DTNA: variants seen among roughly 807,000 people sequenced by gnomAD.
DTNA encodes dystrobrevin alpha, also known as dystrophin-related protein 3.
DTNA carries 43 observed loss-of-function variants against 100.7 expected under a neutral mutation model. The ratio of observed to expected loss-of-function variants is 0.43; its 90% CI spans 0.33 to 0.55. DTNA has a LOEUF of 0.55. Ranked by LOEUF, DTNA falls within the 20% of genes least tolerant of loss-of-function variation. The pLI is 0.04. For synonymous variants in DTNA, 349 were observed against 347.9 expected (o/e 1.00, Z -0.04); for missense variants, 798 against 953.9 (o/e 0.84, Z 2.15).
chr18:34,644,011 A>G (rs1364460361), intron 1 of DTNA, among the ~76,000 whole-genome samples: 2 of 152,166 alleles, frequency 1.3e-5, no homozygotes, highest in Non-Finnish European at 2.9e-5. Context: ...TAAATTATCT[A>G]TCACTCTTAT....
chr18:34,740,011 G>T (rs1161351667), intron 1 of DTNA, among the ~76,000 whole-genome samples: 1 of 152,128 alleles, frequency 6.6e-6, no homozygotes, highest in Non-Finnish European at 1.5e-5. Context: ...GCCTAATGAT[G>T]TAACACCTCT....
chr18:34,877,691 T>C (rs768159691), intron 18 of DTNA, 28 bp from the exon 19 acceptor site: 3 of 1,603,472 alleles, frequency 1.9e-6, no homozygotes, highest in Non-Finnish European at 2.6e-6. Context: ...AAGCTTTGGT[T>C]TTTTAAATTA....
In DTNA at chr18:34,890,315, G is replaced by A. The variant is rs1316954336; in HGVS notation, c.*2581G>A. The A allele has an allele frequency of 5.9e-6, 9 of 1,535,924 alleles. No homozygotes were observed. In the Middle Eastern group the frequency reaches 5.0e-4, roughly 85 times the overall value. ...TCTCTCTTAGCTCCACGTCAGCACT[G>A]AGACCAGACTCGAGCACCCCTGTCC... On this transcript the variant is annotated 3_prime_UTR_variant, in exon 23 of 23. Coordinates refer to ENST00000444659, the MANE Select transcript of DTNA (RefSeq NM_001386795.1).
Position 34,559,365 on chromosome 18 carries a change from A to T in DTNA, c.-2+65851A>T, listed in dbSNP as rs1244224837. ...TAAGTGGGGGGAAAAATGAATAGAGAATTAAAGTATTCCAAAAATACTGAA... is the reference window on the plus strand; with the variant it reads ...TAAGTGGGGGGAAAAATGAATAGAGTATTAAAGTATTCCAAAAATACTGAA... On this transcript the variant is annotated intron_variant, in intron 1 of 19. Transcript: ENST00000283365. Among the ~76,000 whole-genome samples, 6 of 152,332 alleles carry T rather than the reference A, an allele frequency of 3.9e-5. No individual in the cohort carries two copies. The South Asian group carries it at 1.0e-3, about 26-fold the overall frequency.
At chr18:34,560,326 G>A (rs889926153) in intron 1 of DTNA, among the ~76,000 whole-genome samples, 3 of 152,116 alleles carry the variant, frequency 2.0e-5, no homozygotes, top group African/African-American at 7.2e-5. Flanking sequence ...ACAAATATTT[G>A]TTGAATAATT....
At chr18:34,692,802 A>G (rs2079962446) in intron 1 of DTNA, among the ~76,000 whole-genome samples, 1 of 152,210 alleles carries the variant, frequency 6.6e-6, no homozygotes, top group South Asian at 2.1e-4. Flanking sequence ...TTTTAGTGCT[A>G]AATGTTATCT....
chr18:34,505,280 G>C (rs147969329), intron 1 of DTNA, among the ~76,000 whole-genome samples: 21 of 152,094 alleles, frequency 1.4e-4, no homozygotes, highest in African/African-American at 5.1e-4. Context: ...ACTTTTCTGC[G>C]GCCAGATTTA....
chr18:34,553,454 C>G (rs62097181), intron 1 of DTNA, among the ~76,000 whole-genome samples: 171 of 151,362 alleles, frequency 1.1e-3, no homozygotes, highest in South Asian at 1.7e-3. Context: ...AGTCCTTGCC[C>G]ATGCCTATGT....
chr18:34,789,048 T>C (rs1468642736), intron 3 of DTNA, among the ~76,000 whole-genome samples: 1 of 152,184 alleles, frequency 6.6e-6, no homozygotes, highest in Non-Finnish European at 1.5e-5. Flanking sequence ...AAACAAAATA[T>C]TATTACATTT....
intron 1 of DTNA, among the ~76,000 whole-genome samples, chr18:34,615,426 A>G (rs1406641502): frequency 6.6e-6 from 1 of 152,188 alleles, no homozygotes; most frequent in Non-Finnish European, 1.5e-5. Flanking sequence ...AAATTGCCAT[A>G]GCCACCCTAA....
In DTNA at chr18:34,622,172, C is replaced by A. The variant is rs574046348; in HGVS notation, c.-2+128658C>A. 2.6e-5 allele frequency among the ~76,000 whole-genome samples: 4 copies of A among 152,216 alleles called. No individual in the cohort carries two copies. In the South Asian group the frequency reaches 8.3e-4, roughly 32 times the overall value. On this transcript the variant is annotated intron_variant, in intron 1 of 19. Transcript: ENST00000283365. The stretch of plus-strand genomic sequence containing the variant: ...ATCACAAAACCATAAGTATGTGAGG[C>A]AATGGATGTTAATTAGCTTGACTTA...
At chr18:34,628,913 A>G (rs2057702494) in intron 1 of DTNA, among the ~76,000 whole-genome samples, 1 of 152,132 alleles carries the variant, frequency 6.6e-6, no homozygotes, top group Admixed American at 6.6e-5. Context: ...AATGTTAATA[A>G]TTTTATCTAG....
intron 1 of DTNA, among the ~76,000 whole-genome samples, chr18:34,609,019 A>G (rs2053678943): frequency 6.6e-6 from 1 of 152,218 alleles, no homozygotes; most frequent in Admixed American, 6.5e-5. Context: ...TTTACCATAA[A>G]GCATGGCACT....
intron 19 of DTNA, 116 bp from the exon 20 acceptor site, chr18:34,879,432 TATG>T: frequency 1.0e-6 from 1 of 966,546 alleles, no homozygotes; most frequent in Non-Finnish European, 1.6e-6. Flanking sequence ...TTGATTAAAA[TATG>T]ATAACTGGTT....
chr18:34,684,122 C>T lies in DTNA; in HGVS notation c.-1-71854C>T, dbSNP rs143191023. On this transcript the variant is annotated intron_variant, in intron 1 of 19. Coordinates refer to the DTNA transcript ENST00000283365. ...GGAAGAGTGGAGGTATTAGTCATTACAATAATGAACAACATTGTGATGGGA... is the reference window on the plus strand; with the variant it reads ...GGAAGAGTGGAGGTATTAGTCATTATAATAATGAACAACATTGTGATGGGA... Among the ~76,000 whole-genome samples, 1,160 of 152,016 alleles carry T rather than the reference C, an allele frequency of 7.6e-3. 13 individuals are homozygous for T. Among genetic ancestry groups the T allele is most frequent in the African/African-American group, 0.027 (1,103 of 41,466 alleles).
intron 1 of DTNA, among the ~76,000 whole-genome samples, chr18:34,678,004 T>C (rs2077597089): frequency 6.6e-6 from 1 of 152,134 alleles, no homozygotes; most frequent in Non-Finnish European, 1.5e-5. Context: ...CTTACAGTCG[T>C]GGTGAAAGTG....
intron 17 of DTNA, among the ~76,000 whole-genome samples, chr18:34,874,064 C>T (rs74925711): frequency 0.013 from 2,026 of 152,228 alleles, 28 homozygotes; most frequent in African/African-American, 0.047. Flanking sequence ...AACAATTATG[C>T]GTGATGCTGA....
At chr18:34,671,981 G>T (rs775465925) in intron 1 of DTNA, among the ~76,000 whole-genome samples, 20 of 152,158 alleles carry the variant, frequency 1.3e-4, no homozygotes, top group Non-Finnish European at 2.6e-4. Flanking sequence ...CTTTTTAAAA[G>T]CTAGTTAGAC....
intron 1 of DTNA, among the ~76,000 whole-genome samples, chr18:34,559,394 G>T (rs1015730252): frequency 6.6e-6 from 1 of 152,170 alleles, no homozygotes; most frequent in African/African-American, 2.4e-5. Context: ...TACTGAATGG[G>T]CGTTTAAATG....
Sources: gnomAD v4.1 joint callset for allele counts (sites outside exome capture counted in the v4.1 genomes callset) on GRCh38, gnomAD v4.1.1 for gene constraint, MANE v1.5 for transcripts, NCBI Gene and HGNC (gene_info 2026-07-23, HGNC 2026-07-21) for gene names.